MELTF: variants seen among roughly 807,000 people sequenced by gnomAD.
MELTF encodes the protein melanotransferrin.
MELTF carries 67 observed loss-of-function variants against 83.7 expected under a neutral mutation model. The observed-to-expected ratio is 0.80, with a 90% confidence interval of 0.66 to 0.98. MELTF has a LOEUF of 0.98. Among genes scored for constraint, MELTF ranks in the 50% least tolerant of loss-of-function variants. The pLI, the probability that MELTF is intolerant of heterozygous loss-of-function variation, is 0.00. For missense variants in MELTF, 1,002 were observed against 1,035.6 expected (o/e 0.97, Z 0.44); for synonymous variants, 462 against 447.6 (o/e 1.03, Z -0.41).
At position 197,003,919 on chromosome 3, in the gene MELTF, G is replaced by C; in HGVS notation, c.2119C>G (p.Gln707Glu). ...YVAALEGMSSQQCSGAAAPAP... is the reference protein window; with the variant it reads ...YVAALEGMSSEQCSGAAAPAP... ...GTCCTACCTGCGCCCGAGCACTGCT[G>C]AGACGACATCCCTTCCAGCGCCGCC... is the stretch of plus-strand genomic sequence containing the variant. Residue 707 changes from glutamine (Q) to glutamate (E), a missense_variant, in exon 15 of 16, where the codon CAG becomes GAG. Physicochemically the swap from Gln to Glu is conservative, Grantham distance 29. Transcript: ENST00000296350. This position sits in a 1 kb window ranked among gnomAD's most constrained non-coding sequence, Gnocchi z 6.2. The C allele has an allele frequency of 6.2e-7, 1 of 1,613,820 alleles. No homozygotes were observed. Among genetic ancestry groups the C allele is most frequent in the South Asian group, 1.1e-5 (1 of 91,082 alleles).
intron 6 of MELTF, chr3:197,019,798 C>A: frequency 6.4e-7 from 1 of 1,570,384 alleles, no homozygotes; most frequent in Non-Finnish European, 8.7e-7. Flanking sequence ...TCGTGATGGA[C>A]TTTCTGATTT....
chr3:197,016,492 G>A (rs947534599), intron 7 of MELTF, 123 bp from the exon 8 acceptor site: 1 of 815,374 alleles, frequency 1.2e-6, no homozygotes, highest in Non-Finnish European at 1.9e-6. Context: ...CTGAGGGCCA[G>A]GTGAGGCCTC....
Position 197,029,719 on chromosome 3 carries a change from G to T in MELTF, c.-17C>A. ...ACCCCGCATGGCGCCGTCGGGGCTG[G>T]CTGGGGCCGGGCTGGGGCTGGGTCC... On this transcript the variant is annotated 5_prime_UTR_variant, in exon 1 of 16. Coordinates refer to ENST00000296350, the MANE Select transcript of MELTF (RefSeq NM_005929.6). This position sits in a 1 kb window ranked among gnomAD's most constrained non-coding sequence, Gnocchi z 6.5. 8.1e-7 allele frequency: 1 copy of T among 1,234,996 alleles called. No individual in the cohort carries two copies. Among genetic ancestry groups the T allele is most frequent in the Non-Finnish European group, 1.0e-6 (1 of 989,648 alleles). The allele number at this position is 1,234,996 out of a possible 1,614,324, so 76.5% of individuals were successfully genotyped here.
chr3:197,005,334 A>C (rs964221981), intron 14 of MELTF, among the ~76,000 whole-genome samples: 2 of 152,264 alleles, frequency 1.3e-5, no homozygotes, highest in African/African-American at 4.8e-5. Context: ...CGGGGGTCCA[A>C]CTTTGGACTT....
chr3:197,010,929 T>G, intron 9 of MELTF, 135 bp from the exon 10 acceptor site: 1 of 734,704 alleles, frequency 1.4e-6, no homozygotes, highest in Non-Finnish European at 2.3e-6. Flanking sequence ...GGAATGTGGG[T>G]GGGGAGTACC....
chr3:197,012,144 C>T (rs946735185), intron 9 of MELTF, among the ~76,000 whole-genome samples: 5 of 152,218 alleles, frequency 3.3e-5, no homozygotes, highest in African/African-American at 9.6e-5. Flanking sequence ...GGAACACCCC[C>T]GCCTCGGGCC....
chr3:197,018,140 T>A (rs1047315721), intron 6 of MELTF, among the ~76,000 whole-genome samples: 5 of 152,166 alleles, frequency 3.3e-5, no homozygotes, highest in African/African-American at 1.2e-4. Context: ...TCCTGTCTTT[T>A]GACCTCACCC....
Position 197,029,656 on chromosome 3 carries a change from G to A in MELTF, c.47C>T (p.Thr16Ile), listed in dbSNP as rs1720010148. Residue 16 changes from threonine (T) to isoleucine (I), a missense_variant and splice_region_variant, in exon 1 of 16, where the codon ACC (threonine) becomes ATC (isoleucine). By Grantham distance (89) the Thr-to-Ile change is moderately conservative. Transcript: ENST00000296350. The surrounding 1 kb of genome is among the most constrained non-coding windows in gnomAD (Gnocchi z 6.5). ...GALWLLLALRTVLGGMEVRWC... is the reference protein window; with the variant it reads ...GALWLLLALRIVLGGMEVRWC... ...TGGCTCTCACAGCGGGGCCTCACCG[G>A]TGCGCAGAGCCAGGAGCAGCCACAG... 2 of 1,246,504 alleles carry A rather than the reference G, an allele frequency of 1.6e-6. No individual in the cohort carries two copies. The highest frequency in any genetic ancestry group is 2.0e-6 in the Non-Finnish European group (2 of 997,036). The allele number at this position is 1,246,504 out of a possible 1,614,324, so 77.2% of individuals were successfully genotyped here. A position where few individuals can be genotyped will look rare whatever the true frequency, so the allele number is the denominator to read the frequency against.
intron 9 of MELTF, among the ~76,000 whole-genome samples, chr3:197,013,557 G>T (rs1719258089): frequency 6.6e-6 from 1 of 152,172 alleles, no homozygotes; most frequent in African/African-American, 2.4e-5. Flanking sequence ...GCACAGCAGA[G>T]AAAACAACGA....
At position 197,023,106 on chromosome 3, in the gene MELTF, G is replaced by T. The variant is rs367779137; in HGVS notation, c.495C>A (p.Ser165Arg). 6.2e-6 allele frequency: 10 copies of T among 1,613,466 alleles called. No homozygotes were observed. The highest frequency in any genetic ancestry group is 4.0e-5 in the African/African-American group (3 of 74,914). Reference sequence around the variant, plus strand: ...GGACGCAGCTGCCCCCAAAATAGTCGCTGACAGCTGTGGGAAGGAGGTAGA... The same window carrying T: ...GGACGCAGCTGCCCCCAAAATAGTCTCTGACAGCTGTGGGAAGGAGGTAGA... ...VMGCDVLKAV[S>R]DYFGGSCVPG... The change falls in exon 5 of 16, where the codon AGC (serine) becomes AGA (arginine). Residue 165 changes from serine (S) to arginine (R), a missense_variant. Physicochemically the swap from Ser to Arg is moderately radical, Grantham distance 110 (BLOSUM62 -1). Coordinates refer to ENST00000296350, the MANE Select transcript of MELTF (RefSeq NM_005929.6).
At chr3:197,017,990 C>T (rs1719466516) in intron 6 of MELTF, among the ~76,000 whole-genome samples, 2 of 152,216 alleles carry the variant, frequency 1.3e-5, no homozygotes, top group African/African-American at 4.8e-5. Flanking sequence ...GGGGGCAGGG[C>T]TCCCGGAGCA....
At position 197,003,895 on chromosome 3, in the gene MELTF, T is replaced by C. The variant is rs1450080513; in HGVS notation, c.2137+6A>G. 1.9e-6 allele frequency: 3 copies of C among 1,612,714 alleles called. No homozygotes were observed. In the Admixed American group the frequency reaches 5.0e-5, roughly 27 times the overall value. On this transcript the variant is annotated splice_donor_region_variant and intron_variant, in intron 15 of 15. Coordinates refer to ENST00000296350, the MANE Select transcript of MELTF (RefSeq NM_005929.6). This position sits in a 1 kb window ranked among gnomAD's most constrained non-coding sequence, Gnocchi z 6.2. ...CAGGGGAGGCGGCAGGGCGGGCCTG[T>C]CCTACCTGCGCCCGAGCACTGCTGA...
rs891072570 is a variant in MELTF at position 197,015,412 on chromosome 3, G to A, written c.1186C>T (p.Gln396Ter). ...TGGGGGGACTTGGCTGACACGCACT[G>A]GATCTCTGGCTTGAGCCGCTGCCGG... Reference protein sequence around the residue: ...FRRQRLKPEIQCVSAKSPQHC... With the variant: ...FRRQRLKPEI Residue 396 changes from glutamine to a stop codon, truncating the protein, a stop_gained, in exon 9 of 16, where the codon CAG becomes TAG. Coordinates refer to ENST00000296350, the MANE Select transcript of MELTF (RefSeq NM_005929.6). LOFTEE classifies it high-confidence loss of function. 14 of 1,590,026 alleles carry A rather than the reference G, an allele frequency of 8.8e-6. No homozygotes were observed. The highest frequency in any genetic ancestry group is 1.3e-5 in the African/African-American group (1 of 74,344).
Position 197,003,258 on chromosome 3 carries a change from T to C in MELTF, c.*114A>G. The C allele has an allele frequency of 1.2e-5, 12 of 995,522 alleles. No homozygotes were observed. Among genetic ancestry groups the C allele is most frequent in the Non-Finnish European group, 1.3e-5 (11 of 836,528 alleles). 61.7% of individuals were successfully genotyped at this position (995,522 alleles called of 1,614,324 possible). A position where few individuals can be genotyped will look rare whatever the true frequency, so the allele number is the denominator to read the frequency against. ...GCGGCGGGGCTCCCGGGGAGGCGCC[T>C]GCTCCCGCCCACGCCGGGCCCGGCC... On this transcript the variant is annotated 3_prime_UTR_variant, in exon 16 of 16. Transcript: ENST00000296350. This position sits in a 1 kb window ranked among gnomAD's most constrained non-coding sequence, Gnocchi z 6.2.
chr3:197,006,505 C>T lies in MELTF; in HGVS notation c.1938+44G>A, dbSNP rs758976688. ...GAGGCCTCCCAGGGGCTCAGCTTAC[C>T]TCTGCTGCACACCCCTCAATGAGGT... On this transcript the variant is annotated intron_variant, in intron 14 of 15. Coordinates refer to ENST00000296350, the MANE Select transcript of MELTF (RefSeq NM_005929.6). This position sits in a 1 kb window ranked among gnomAD's most constrained non-coding sequence, Gnocchi z 5.4. The T allele has an allele frequency of 3.2e-6, 5 of 1,575,034 alleles. No homozygotes were observed. Among genetic ancestry groups the T allele is most frequent in the Non-Finnish European group, 3.5e-6 (4 of 1,159,108 alleles).
intron 2 of MELTF, chr3:197,027,075 T>C (rs1719886756): frequency 2.8e-6 from 1 of 353,158 alleles, no homozygotes; most frequent in South Asian, 3.3e-5. Context: ...TTTCTGTCCC[T>C]CCACCCTGCG....
chr3:197,024,472 G>A lies in MELTF; in HGVS notation c.318C>T (p.Ser106=). 6.3e-7 allele frequency: 1 copy of A among 1,588,062 alleles called. No homozygotes were observed. Among genetic ancestry groups the A allele is most frequent in the African/African-American group, 1.3e-5 (1 of 74,496 alleles). ...GEVYDQEVGT[S]YYAVAVVRRS... is the part of the protein sequence containing the mutation. ...TCCTGACCACAGCCACGGCGTAATAGGAGGTACCGACCTCTAGGAGGGGAG... is the reference window on the plus strand; with the variant it reads ...TCCTGACCACAGCCACGGCGTAATAAGAGGTACCGACCTCTAGGAGGGGAG... The change falls in exon 4 of 16, where the codon TCC becomes TCT. Residue 106 remains serine (S), a synonymous_variant. Transcript: ENST00000296350. The surrounding 1 kb of genome is among the most constrained non-coding windows in gnomAD (Gnocchi z 5.3).
chr3:197,023,144 C>T (rs766019326), intron 4 of MELTF, 31 bp from the exon 5 acceptor site: 32 of 1,612,128 alleles, frequency 2.0e-5, no homozygotes, highest in South Asian at 1.4e-4. Flanking sequence ...GGTCACTCAG[C>T]AGAACTTTCT....
In MELTF at chr3:197,008,801, C is replaced by T; in HGVS notation, c.1682+8G>A. The T allele has an allele frequency of 6.2e-7, 1 of 1,614,052 alleles. No homozygotes were observed. The highest frequency in any genetic ancestry group is 1.1e-5 in the South Asian group (1 of 91,074). On this transcript the variant is annotated splice_region_variant and intron_variant, in intron 12 of 15. Coordinates refer to ENST00000296350, the MANE Select transcript of MELTF (RefSeq NM_005929.6). This position sits in a 1 kb window ranked among gnomAD's most constrained non-coding sequence, Gnocchi z 5.4. ...ACACAGCCCCAGACTGCCAGGCCACCCGGGTACCTGAAGGCGCCGCGGTAG... is the reference window on the plus strand; with the variant it reads ...ACACAGCCCCAGACTGCCAGGCCACTCGGGTACCTGAAGGCGCCGCGGTAG...
Sources: gnomAD v4.1 joint callset for allele counts (sites outside exome capture counted in the v4.1 genomes callset) on GRCh38, gnomAD v4.1.1 for gene constraint, Gnocchi (gnomAD v3.1) non-coding constraint, MANE v1.5 for transcripts, NCBI Gene and HGNC (gene_info 2026-07-23, HGNC 2026-07-21) for gene names.